SDHC: variants seen among roughly 807,000 people sequenced by gnomAD.
The protein encoded by SDHC is succinate dehydrogenase cytochrome b560 subunit, mitochondrial.
Under a neutral mutation model 22.6 loss-of-function variants are expected in SDHC, and 11 were observed. The observed-to-expected ratio is 0.49, with a 90% confidence interval of 0.31 to 0.81. SDHC has a LOEUF of 0.81. Among genes scored for constraint, SDHC ranks in the 30% least tolerant of loss-of-function variants. SDHC has a pLI of 0.05. For missense variants in SDHC, 160 were observed against 212.0 expected, an observed-to-expected ratio of 0.75 and a Z score of 1.52; for synonymous variants, 80 against 77.8, an observed-to-expected ratio of 1.03 and a Z score of -0.15.
chr1:161,353,025 G>A (rs929704763), intron 4 of SDHC, among the ~76,000 whole-genome samples: 2 of 152,190 alleles, frequency 1.3e-5, no homozygotes, highest in African/African-American at 4.8e-5. Context: ...GTATGTAGTA[G>A]TAGAATGATT....
intron 4 of SDHC, among the ~76,000 whole-genome samples, chr1:161,354,554 C>CT (rs1414869484): frequency 2.0e-5 from 3 of 151,490 alleles, no homozygotes; most frequent in South Asian, 2.1e-4. Context: ...TGTGGGTACT[C>CT]TTTTTTGCTT....
chr1:161,343,774 AT>A (rs769886834), intron 4 of SDHC, among the ~76,000 whole-genome samples: 8 of 152,156 alleles, frequency 5.3e-5, no homozygotes, highest in Non-Finnish European at 1.0e-4. Flanking sequence ...AGAGCAGTTT[AT>A]TTATTAGGCT....
chr1:161,322,227 G>A (rs116835955), intron 1 of SDHC, among the ~76,000 whole-genome samples: 1 of 152,076 alleles, frequency 6.6e-6, no homozygotes, highest in Non-Finnish European at 1.5e-5. Context: ...CCACAGTAGG[G>A]GTGCTCAACC....
chr1:161,326,926 T>C (rs575773186), intron 2 of SDHC, among the ~76,000 whole-genome samples: 13 of 151,378 alleles, frequency 8.6e-5, no homozygotes, highest in Admixed American at 4.6e-4. Context: ...ACCTGGCCAA[T>C]TGTTAAAAAT....
At chr1:161,360,563 TAAA>T (rs758051207) in intron 5 of SDHC, among the ~76,000 whole-genome samples, 112 of 95,172 alleles carry the variant, frequency 1.2e-3, no homozygotes, top group Non-Finnish European at 1.7e-3. Flanking sequence ...CTCAAAAAAT[TAAA>T]AAAAAAAAAG....
chr1:161,325,413 C>G (rs1413082243), intron 2 of SDHC, among the ~76,000 whole-genome samples: 1 of 151,716 alleles, frequency 6.6e-6, no homozygotes, highest in East Asian at 1.9e-4. Context: ...GGCATGGTGG[C>G]TCATGCCTGT....
intron 3 of SDHC, among the ~76,000 whole-genome samples, chr1:161,339,303 C>A (rs1671616751): frequency 6.6e-6 from 1 of 151,932 alleles, no homozygotes. Context: ...TCACTTCAGT[C>A]TCCCAAGTAG....
chr1:161,323,546 A>T, intron 1 of SDHC, 68 bp from the exon 2 acceptor site: 1 of 1,214,610 alleles, frequency 8.2e-7, no homozygotes, highest in South Asian at 1.2e-5. Flanking sequence ...ACCCCTAAAA[A>T]TAGAGAAGTT....
chr1:161,318,362 GCTCT>G (rs1670705421), intron 1 of SDHC, among the ~76,000 whole-genome samples: 1 of 151,958 alleles, frequency 6.6e-6, no homozygotes, highest in African/African-American at 2.4e-5. Context: ...TTGAATATAT[GCTCT>G]CTATTTTGTA....
At chr1:161,343,190 C>T (rs967479875) in intron 4 of SDHC, among the ~76,000 whole-genome samples, 1 of 152,180 alleles carries the variant, frequency 6.6e-6, no homozygotes, top group African/African-American at 2.4e-5. Context: ...TTTCTGTCTT[C>T]TGAGACCCTG....
intron 5 of SDHC, among the ~76,000 whole-genome samples, chr1:161,360,303 C>G (rs1672458859): frequency 6.6e-6 from 1 of 151,990 alleles, no homozygotes; most frequent in Non-Finnish European, 1.5e-5. Context: ...GTCTGTAACC[C>G]TAGCACTTTG....
intron 3 of SDHC, among the ~76,000 whole-genome samples, chr1:161,334,277 G>A (rs751095721): frequency 1.3e-5 from 2 of 152,080 alleles, no homozygotes; most frequent in Non-Finnish European, 2.9e-5. Flanking sequence ...CCCTGCTTCC[G>A]TCATCTCATT....
At chr1:161,328,708 C>G (rs943049840) in intron 3 of SDHC, among the ~76,000 whole-genome samples, 1 of 152,166 alleles carries the variant, frequency 6.6e-6, no homozygotes, top group Non-Finnish European at 1.5e-5. Flanking sequence ...CTTGTCATTA[C>G]AAGGGTAATC....
chr1:161,346,884 A>C (rs545092752), intron 4 of SDHC, among the ~76,000 whole-genome samples: 1 of 152,226 alleles, frequency 6.6e-6, no homozygotes, highest in Non-Finnish European at 1.5e-5. Context: ...TATACTTAAA[A>C]TTATCTCTAG....
chr1:161,323,233 T>G (rs4272643), intron 1 of SDHC, among the ~76,000 whole-genome samples: 17,708 of 151,590 alleles, frequency 0.12, 1,371 homozygotes, highest in African/African-American at 0.21. Context: ...CTCCTGACCT[T>G]GTGATCCGTC....
chr1:161,334,640 T>C (rs574529060), intron 3 of SDHC, among the ~76,000 whole-genome samples: 26 of 152,274 alleles, frequency 1.7e-4, no homozygotes, highest in African/African-American at 5.5e-4. Flanking sequence ...AGTTTGGCCA[T>C]GTTGCTCAAG....
intron 1 of SDHC, 132 bp from the exon 2 acceptor site, chr1:161,323,482 C>T: frequency 1.4e-6 from 1 of 704,540 alleles, no homozygotes. Context: ...AAAATGGTAT[C>T]AAGGACACTG....
intron 3 of SDHC, among the ~76,000 whole-genome samples, chr1:161,330,856 CA>C (rs1671245473): frequency 6.6e-6 from 1 of 151,896 alleles, no homozygotes; most frequent in Non-Finnish European, 1.5e-5. Flanking sequence ...AAAAATTAGC[CA>C]GGTGTGGTGG....
rs892016130 is a variant in SDHC, at chr1:161,363,087, A to G, written c.*654A>G. 1 of 235,156 alleles carries G rather than the reference A, an allele frequency of 4.3e-6. No homozygotes were observed. Among genetic ancestry groups the G allele is most frequent in the Non-Finnish European group, 8.4e-6 (1 of 119,118 alleles). The allele number at this position is 235,156 out of a possible 1,614,324, so 14.6% of individuals were successfully genotyped here. The stretch of plus-strand genomic sequence containing the variant: ...ATTATCATTGAACATATTAATGGTT[A>G]TTTCTTTTTCTTGGATTTCCAGAAA... On this transcript the variant is annotated 3_prime_UTR_variant, in exon 6 of 6. Transcript: ENST00000367975.
Sources: gnomAD v4.1 joint callset for allele counts (sites outside exome capture counted in the v4.1 genomes callset) on GRCh38, gnomAD v4.1.1 for gene constraint, MANE v1.5 for transcripts, NCBI Gene and HGNC (gene_info 2026-07-23, HGNC 2026-07-21) for gene names.